The following OPCML variants were observed in gnomAD, a reference collection of about 807,000 sequenced individuals.
OPCML encodes the protein opioid binding protein/cell adhesion molecule like.
OPCML carries 13 observed loss-of-function variants against 37.8 expected under a neutral mutation model. The ratio of observed to expected loss-of-function variants is 0.34; its 90% CI spans 0.22 to 0.55. OPCML has a LOEUF of 0.55. Among genes scored for constraint, OPCML ranks in the 20% least tolerant of loss-of-function variants. The pLI, the probability that OPCML is intolerant of heterozygous loss-of-function variation, is 0.91. For missense variants in OPCML, 341 were observed against 435.6 expected, an observed-to-expected ratio of 0.78 and a Z score of 1.93; for synonymous variants, 176 against 168.8, an observed-to-expected ratio of 1.04 and a Z score of -0.33.
At chr11:132,968,033 G>C (rs748486285) in intron 1 of OPCML, among the ~76,000 whole-genome samples, 1 of 152,120 alleles carries the variant, frequency 6.6e-6, no homozygotes, top group Non-Finnish European at 1.5e-5. Flanking sequence ...ATTTTCATTA[G>C]GGTTCACCTT....
chr11:133,294,214 G>A (rs1942564507), intron 1 of OPCML, among the ~76,000 whole-genome samples: 1 of 151,996 alleles, frequency 6.6e-6, no homozygotes, highest in Admixed American at 6.6e-5. Flanking sequence ...GTGTTCTGCA[G>A]AGGCAAACGG....
chr11:133,191,201 G>T (rs186662883), intron 1 of OPCML, among the ~76,000 whole-genome samples: 1 of 151,646 alleles, frequency 6.6e-6, no homozygotes. Context: ...TTATGACTTT[G>T]GTATTTATTT....
At chr11:133,248,818 A>T (rs1366574187) in intron 1 of OPCML, among the ~76,000 whole-genome samples, 2 of 152,182 alleles carry the variant, frequency 1.3e-5, no homozygotes. Flanking sequence ...TGGAATTTAC[A>T]GTCATAGCAT....
chr11:133,010,324 C>T (rs542112434), intron 1 of OPCML, among the ~76,000 whole-genome samples: 9 of 152,282 alleles, frequency 5.9e-5, no homozygotes, highest in Admixed American at 2.0e-4. Context: ...AAGTGTTTGT[C>T]ATTATTAGAT....
intron 2 of OPCML, among the ~76,000 whole-genome samples, chr11:132,781,954 A>ATTT (rs10717332): frequency 9.3e-6 from 1 of 107,796 alleles, no homozygotes; most frequent in Non-Finnish European, 1.9e-5. Flanking sequence ...ATATATATAT[A>ATTT]TTTTTTTTTT....
At chr11:132,493,169 G>A (rs1041987995) in intron 4 of OPCML, among the ~76,000 whole-genome samples, 3 of 152,216 alleles carry the variant, frequency 2.0e-5, no homozygotes, top group African/African-American at 7.2e-5. Flanking sequence ...TGGTGGATAG[G>A]AAGTTGGACC....
intron 4 of OPCML, among the ~76,000 whole-genome samples, chr11:132,485,667 T>C (rs2096197472): frequency 6.6e-6 from 1 of 152,248 alleles, no homozygotes; most frequent in Non-Finnish European, 1.5e-5. Context: ...CTTTTGTGGC[T>C]GGCTTCTTTT....
chr11:132,657,377 G>A (rs1304448912), intron 2 of OPCML, 58 bp from the exon 3 acceptor site: 78 of 1,579,354 alleles, frequency 4.9e-5, no homozygotes, highest in Non-Finnish European at 5.9e-5. Flanking sequence ...AGAGTGGAGA[G>A]ATTATATAAT....
intron 1 of OPCML, among the ~76,000 whole-genome samples, chr11:133,059,194 A>T (rs1353573005): frequency 6.6e-6 from 1 of 152,194 alleles, no homozygotes; most frequent in Non-Finnish European, 1.5e-5. Context: ...TTGTATTGCC[A>T]CCTTGACATT....
intron 1 of OPCML, among the ~76,000 whole-genome samples, chr11:133,373,426 T>A (rs866474166): frequency 7.1e-4 from 82 of 115,670 alleles, no homozygotes; most frequent in African/African-American, 2.5e-3. Flanking sequence ...TTAATTAAAA[T>A]ATATATATAT....
chr11:132,847,382 G>C (rs1417251475), intron 2 of OPCML, among the ~76,000 whole-genome samples: 1 of 152,112 alleles, frequency 6.6e-6, no homozygotes. Flanking sequence ...AGACTCCAGA[G>C]TTATATTAAT....
chr11:132,453,902 T>C (rs1484626604), intron 4 of OPCML, among the ~76,000 whole-genome samples: 3 of 152,194 alleles, frequency 2.0e-5, no homozygotes, highest in Non-Finnish European at 4.4e-5. Context: ...CTGAGGAACA[T>C]TGCTGATGAC....
intron 1 of OPCML, among the ~76,000 whole-genome samples, chr11:133,499,693 T>G (rs1445399329): frequency 6.6e-6 from 1 of 150,592 alleles, no homozygotes; most frequent in South Asian, 2.1e-4. Context: ...TTTGTTGGGG[T>G]TTTTTTTAAA....
chr11:133,082,918 C>T (rs1948757140), intron 1 of OPCML, among the ~76,000 whole-genome samples: 3 of 150,378 alleles, frequency 2.0e-5, no homozygotes, highest in South Asian at 2.1e-4. Context: ...CGCAAGGGGG[C>T]GCCAGGGGCC....
In OPCML at chr11:133,098,505, G is replaced by A. The variant is rs1014957931; in HGVS notation, c.62-155495C>T. Reference sequence around the variant, plus strand: ...GCTGGGATTACAGGTGTGAGCCACTGTGCCCATTCGGCTGGTTAAACATTC... The same window carrying A: ...GCTGGGATTACAGGTGTGAGCCACTATGCCCATTCGGCTGGTTAAACATTC... On this transcript the variant is annotated intron_variant, in intron 1 of 7. Transcript: ENST00000524381. 4.6e-5 allele frequency among the ~76,000 whole-genome samples: 7 copies of A among 152,174 alleles called. No individual in the cohort carries two copies. In the South Asian group the frequency reaches 8.3e-4, roughly 18 times the overall value.
intron 2 of OPCML, among the ~76,000 whole-genome samples, chr11:132,760,622 C>T (rs1946228601): frequency 6.8e-6 from 1 of 147,400 alleles, no homozygotes; most frequent in African/African-American, 2.5e-5. Context: ...AGGATTGCAA[C>T]ATTTGCTTTT....
At chr11:132,461,259 C>A (rs1452037186) in intron 4 of OPCML, among the ~76,000 whole-genome samples, 1 of 151,974 alleles carries the variant, frequency 6.6e-6, no homozygotes, top group Non-Finnish European at 1.5e-5. Context: ...CAGCTGGTCA[C>A]CAGAAAAGCA....
chr11:133,161,177 G>C (rs1196120565), intron 1 of OPCML, among the ~76,000 whole-genome samples: 2 of 152,240 alleles, frequency 1.3e-5, no homozygotes, highest in African/African-American at 4.8e-5. Flanking sequence ...CTTTGGGACT[G>C]AGGGGAAGTT....
chr11:133,066,899 G>A (rs939748866), intron 1 of OPCML: 5 of 152,144 alleles, frequency 3.3e-5, no homozygotes, highest in Middle Eastern at 3.4e-3. Flanking sequence ...TGCTGGTCTC[G>A]AACTCCTGAC....
Sources: gnomAD v4.1 joint callset for allele counts (sites outside exome capture counted in the v4.1 genomes callset) on GRCh38, gnomAD v4.1.1 for gene constraint, MANE v1.5 for transcripts, NCBI Gene and HGNC (gene_info 2026-07-23, HGNC 2026-07-21) for gene names.